ZNF430: variants seen among roughly 807,000 people sequenced by gnomAD.
ZNF430 encodes zinc finger protein 430.
ZNF430 carries 35 observed loss-of-function variants against 56.7 expected under a neutral mutation model. The ratio of observed to expected loss-of-function variants is 0.62; its 90% CI spans 0.47 to 0.82. The LOEUF (loss-of-function observed/expected upper bound fraction) is 0.82. ZNF430 is among the 40% of genes least tolerant of loss of function. The pLI is 0.00. For synonymous variants in ZNF430, 212 were observed against 224.3 expected (o/e 0.94, Z 0.49); for missense variants, 574 against 661.0 (o/e 0.87, Z 1.44).
rs1487185473 is a variant in ZNF430 at position 21,033,452 on chromosome 19, T to C, written c.97-4T>C. 3 of 1,608,006 alleles carry C rather than the reference T, an allele frequency of 1.9e-6. No individual in the cohort carries two copies. The highest frequency in any genetic ancestry group is 2.5e-6 in the Non-Finnish European group (3 of 1,177,528). ...CGTGTGTCTTGTGTGCTTGTGTTTT[T>C]CAGGGGCCATTGACATTTAGGGATG... is the stretch of plus-strand genomic sequence containing the variant. On this transcript the variant is annotated splice_region_variant and splice_polypyrimidine_tract_variant and intron_variant, in intron 2 of 4. Coordinates refer to ENST00000261560, the MANE Select transcript of ZNF430 (RefSeq NM_025189.4).
At chr19:21,026,377 T>G (rs1419914204) in intron 2 of ZNF430, among the ~76,000 whole-genome samples, 1 of 151,364 alleles carries the variant, frequency 6.6e-6, no homozygotes, top group Admixed American at 6.6e-5. Context: ...TTAGTAGAGA[T>G]GGAGTTTCAC....
chr19:21,034,912 TTTGTTG>T (rs369179344), intron 4 of ZNF430: 3 of 152,216 alleles, frequency 2.0e-5, no homozygotes, highest in African/African-American at 7.2e-5. Flanking sequence ...TCCACTGTTT[TTTGTTG>T]TTGTTGTTAA....
rs1422464029 is a variant in ZNF430, at chr19:21,026,834, T to C, written c.96+3953T>C. Among the ~76,000 whole-genome samples, 441 of 122,184 alleles carry C rather than the reference T, an allele frequency of 3.6e-3. 1 individual carries two copies. The highest frequency in any genetic ancestry group is 0.012 in the African/African-American group (422 of 34,342). 80.2% of individuals were successfully genotyped at this position (122,184 alleles called of 152,430 possible). ...CCTTTTTTCTTTTCTTTTCTTTTTT[T>C]TTTTTTTTTTTTTTTTGAGACAGAG... On this transcript the variant is annotated intron_variant, in intron 2 of 4. Transcript: ENST00000261560.
At chr19:21,055,099 CTA>C (rs1429624631) in intron 4 of ZNF430, among the ~76,000 whole-genome samples, 1 of 151,716 alleles carries the variant, frequency 6.6e-6, no homozygotes, top group Non-Finnish European at 1.5e-5. Flanking sequence ...CTGTAGTTCT[CTA>C]TGTTTCTGTG....
At chr19:21,054,988 C>T (rs1968348307) in intron 4 of ZNF430, among the ~76,000 whole-genome samples, 1 of 151,778 alleles carries the variant, frequency 6.6e-6, no homozygotes, top group African/African-American at 2.4e-5. Context: ...TTTTTTCTTT[C>T]AGGATTTTTC....
chr19:21,054,983 T>A (rs1475514609), intron 4 of ZNF430, among the ~76,000 whole-genome samples: 2 of 152,094 alleles, frequency 1.3e-5, no homozygotes, highest in Admixed American at 6.5e-5. Flanking sequence ...CGTCATTTTT[T>A]CTTTCAGGAT....
intron 2 of ZNF430, among the ~76,000 whole-genome samples, chr19:21,030,567 G>A (rs757664224): frequency 6.6e-6 from 1 of 151,976 alleles, no homozygotes; most frequent in Non-Finnish European, 1.5e-5. Context: ...TAAAGAGCCA[G>A]CGAAGAATAT....
rs1599510757 is a variant in ZNF430 at position 21,056,535 on chromosome 19, G to T, written c.323-96G>T. 7 of 919,908 alleles carry T rather than the reference G, an allele frequency of 7.6e-6. No homozygotes were observed. In the East Asian group the frequency reaches 1.7e-4, roughly 22 times the overall value. 57.0% of individuals were successfully genotyped at this position (919,908 alleles called of 1,614,324 possible). On this transcript the variant is annotated intron_variant, in intron 4 of 4. Transcript: ENST00000261560. ...CTTTATTATTTTGCTATGCCATCTT[G>T]TTTATGTAGTTTGTATAATTATATG... is the stretch of plus-strand genomic sequence containing the variant.
At chr19:21,037,926 C>G (rs934405048) in intron 4 of ZNF430, among the ~76,000 whole-genome samples, 1 of 151,016 alleles carries the variant, frequency 6.6e-6, no homozygotes, top group Admixed American at 6.6e-5. Context: ...AGTTATTTAA[C>G]TTAGTTTTAA....
At chr19:21,025,923 G>T in intron 2 of ZNF430, 2 of 425,290 alleles carry the variant, frequency 4.7e-6, no homozygotes, top group South Asian at 2.0e-5. Flanking sequence ...TCTTAATACA[G>T]ACTGAAGTTT....
At chr19:21,041,497 T>G (rs1968101683) in intron 4 of ZNF430, among the ~76,000 whole-genome samples, 1 of 152,170 alleles carries the variant, frequency 6.6e-6, no homozygotes, top group Non-Finnish European at 1.5e-5. Context: ...ATTGTTATTG[T>G]TTTGTTTAAA....
rs546388141 is a variant in ZNF430 at position 21,044,395 on chromosome 19, T to C, written c.322+10211T>C. Among the ~76,000 whole-genome samples the C allele has an allele frequency of 2.6e-5, 4 of 152,326 alleles. No individual in the cohort carries two copies. In the South Asian group the frequency reaches 8.3e-4, roughly 32 times the overall value. On this transcript the variant is annotated intron_variant, in intron 4 of 4. Coordinates refer to ENST00000261560, the MANE Select transcript of ZNF430 (RefSeq NM_025189.4). Reference sequence around the variant, plus strand: ...ATGATGAATTGTATTTATTGATTTGTTTATGTTGAAATAGCCTTGCATCCC... The same window carrying C: ...ATGATGAATTGTATTTATTGATTTGCTTATGTTGAAATAGCCTTGCATCCC...
intron 4 of ZNF430, among the ~76,000 whole-genome samples, chr19:21,055,119 CTGAG>C (rs754094916): frequency 1.5e-4 from 23 of 150,662 alleles, no homozygotes; most frequent in Non-Finnish European, 2.7e-4. Context: ...GTGTCACTCA[CTGAG>C]TATTATTCAA....
rs1358928694 is a variant in ZNF430 at position 21,048,331 on chromosome 19, G to C, written c.323-8300G>C. Among the ~76,000 whole-genome samples the C allele has an allele frequency of 4.0e-5, 6 of 150,334 alleles. No homozygotes were observed. The East Asian group carries it at 1.2e-3, about 29-fold the overall frequency. ...GTTTTCCTAGGCAGAGGACCCTGCG[G>C]CCTTCCGCAGTGTTTGTGTCCCTGG... is the stretch of plus-strand genomic sequence containing the variant. On this transcript the variant is annotated intron_variant, in intron 4 of 4. Coordinates refer to ENST00000261560, the MANE Select transcript of ZNF430 (RefSeq NM_025189.4).
At chr19:21,039,454 T>TTTATTTATTTAC (rs1968063300) in intron 4 of ZNF430, among the ~76,000 whole-genome samples, 1 of 146,980 alleles carries the variant, frequency 6.8e-6, no homozygotes, top group African/African-American at 2.5e-5. Flanking sequence ...TTGCTATTTA[T>TTTATTTATTTAC]TTATTTATTT....
intron 2 of ZNF430, among the ~76,000 whole-genome samples, chr19:21,030,420 C>T (rs1328985210): frequency 2.0e-5 from 3 of 152,170 alleles, no homozygotes; most frequent in African/African-American, 7.2e-5. Context: ...TGTGTTATTC[C>T]CAGCACAGTG....
At position 21,022,819 on chromosome 19, in the gene ZNF430, A is replaced by G. The variant is rs748447921; in HGVS notation, c.34A>G (p.Lys12Glu). 5 of 1,613,888 alleles carry G rather than the reference A, an allele frequency of 3.1e-6. No individual in the cohort carries two copies. The highest frequency in any genetic ancestry group is 4.2e-6 in the Non-Finnish European group (5 of 1,179,816). The change falls in exon 2 of 5, where the codon AAG (lysine) becomes GAG (glutamate). Residue 12 changes from lysine to glutamate, a missense_variant. By Grantham distance (56) the Lys-to-Glu change is moderately conservative. This residue lies in a region of ZNF430 where 346 missense variants were observed against 399.1 expected (regional missense o/e 0.87). Transcript: ENST00000261560. ...CCTGAAGTCTGGAGTGTATCCTCTC[A>G]AGGAAGCAAGTGGATGCCCTGGGGC... ...ENLKSGVYPL[K>E]EASGCPGADR...
rs1198135615 is a variant in ZNF430 at position 21,058,714 on chromosome 19, T to A, written c.*693T>A. Reference sequence around the variant, plus strand: ...TCACACCTTATTGCACAGGAGAGCATTTATACTTGAAAAAAATTGTACAAA... The same window carrying A: ...TCACACCTTATTGCACAGGAGAGCAATTATACTTGAAAAAAATTGTACAAA... On this transcript the variant is annotated 3_prime_UTR_variant, in exon 5 of 5. Transcript: ENST00000261560. 1 of 152,670 alleles carries A rather than the reference T, an allele frequency of 6.6e-6. No individual in the cohort carries two copies. 9.5% of individuals were successfully genotyped at this position (152,670 alleles called of 1,614,324 possible).
In ZNF430 at chr19:21,057,042, T is replaced by A. The variant is rs766884736; in HGVS notation, c.734T>A (p.Phe245Tyr). The change falls in exon 5 of 5, where the codon TTC becomes TAC. Residue 245 changes from phenylalanine to tyrosine, a missense_variant. Transcript: ENST00000261560. ...GAATGTGGTAAAGTCTTTAACTGGT[T>A]CTCAACCCTTACTAGACACAGAAGA... Reference protein sequence around the residue: ...CEECGKVFNWFSTLTRHRRIH... With the variant: ...CEECGKVFNWYSTLTRHRRIH... 1.9e-6 allele frequency: 3 copies of A among 1,614,016 alleles called. No individual in the cohort carries two copies. In the South Asian group the frequency reaches 3.3e-5, roughly 18 times the overall value.
Sources: allele counts gnomAD v4.1 joint callset (sites outside exome capture counted in the v4.1 genomes callset), GRCh38; gene constraint gnomAD v4.1.1; regional missense constraint gnomAD v4.1.1; transcripts MANE v1.5; gene names NCBI Gene and HGNC (gene_info 2026-07-23, HGNC 2026-07-21).